The following SOX5 variants were observed in gnomAD, a reference collection of about 807,000 sequenced individuals.
SOX5 encodes the protein SRY-box transcription factor 5, also known as transcription factor SOX-5.
SOX5 carries 9 observed loss-of-function variants against 92.0 expected under a neutral mutation model. The observed-to-expected ratio is 0.10, with a 90% CI of 0.06 to 0.17. The LOEUF (loss-of-function observed/expected upper bound fraction) is 0.17, where lower values mean the gene tolerates loss of function less well. SOX5 is among the 10% of genes least tolerant of loss of function. SOX5 has a pLI of 1.00. For missense variants in SOX5, 642 were observed against 944.5 expected (o/e 0.68, Z 4.20); for synonymous variants, 344 against 336.3 (o/e 1.02, Z -0.25).
rs148461185 is a variant in SOX5 at position 24,494,025 on chromosome 12, A to G, written c.-251+68304T>C. On this transcript the variant is annotated intron_variant, in intron 1 of 4. Transcript: ENST00000446891. ...ATTGGATGATGTGAAATAACTGAAA[A>G]GTACACAGCTCTTTTGAAATAATGA... Among the ~76,000 whole-genome samples the G allele has an allele frequency of 4.5e-3, 688 of 152,334 alleles. 3 individuals are homozygous for G. Among genetic ancestry groups the G allele is most frequent in the African/African-American group, 0.016 (647 of 41,566 alleles).
chr12:23,546,411 A>G lies in SOX5; in HGVS notation c.1502T>C (p.Leu501Pro). The G allele has an allele frequency of 6.3e-7, 1 of 1,598,140 alleles. No individual in the cohort carries two copies. The highest frequency in any genetic ancestry group is 8.6e-7 in the Non-Finnish European group (1 of 1,167,628). The change falls in exon 12 of 15, where the codon CTG becomes CCG. Residue 501 changes from leucine (L) to proline (P), a missense_variant. Leu to Pro is a moderately conservative substitution (Grantham distance 98). Coordinates refer to ENST00000451604, the MANE Select transcript of SOX5 (RefSeq NM_006940.6). Reference protein sequence around the residue: ...NCRTEKEKTTLESLTQQLAVK... With the variant: ...NCRTEKEKTTPESLTQQLAVK... The stretch of plus-strand genomic sequence containing the variant: ...TGCCAGTTGCTGAGTCAGACTCTCC[A>G]GTGTTGTTTTTTCCTTTAAAAAAAT...
At chr12:23,635,537 G>A (rs191332798) in intron 8 of SOX5, among the ~76,000 whole-genome samples, 1 of 152,100 alleles carries the variant, frequency 6.6e-6, no homozygotes, top group East Asian at 1.9e-4. Flanking sequence ...GTGGGAGGAG[G>A]GGGGAGGGAG....
upstream of SOX5, among the ~76,000 whole-genome samples, chr12:23,951,964 G>C (rs1355625125): frequency 6.6e-6 from 1 of 151,880 alleles, no homozygotes; most frequent in Non-Finnish European, 1.5e-5. Flanking sequence ...AGCCCTTAAG[G>C]GACCTACAAT....
chr12:24,375,825 G>T (rs754459442), intron 1 of SOX5, among the ~76,000 whole-genome samples: 6 of 151,210 alleles, frequency 4.0e-5, no homozygotes, highest in Non-Finnish European at 7.4e-5. Context: ...GACCCCAATA[G>T]ATGTGTCTCA....
chr12:23,801,716 A>G (rs775414123), intron 3 of SOX5, among the ~76,000 whole-genome samples: 4 of 152,206 alleles, frequency 2.6e-5, no homozygotes, highest in African/African-American at 4.8e-5. Flanking sequence ...GTACTATTAC[A>G]TAAATTAAAT....
At chr12:24,433,424 ATAAGAGCACTCACTTG>A (rs1938756663) in intron 1 of SOX5, among the ~76,000 whole-genome samples, 1 of 152,210 alleles carries the variant, frequency 6.6e-6, no homozygotes, top group East Asian at 1.9e-4. Context: ...AGTTAACTTG[ATAAGAGCACTCACTTG>A]ATTAAAGATG....
intron 1 of SOX5, among the ~76,000 whole-genome samples, chr12:24,518,660 G>T (rs1475443129): frequency 6.6e-6 from 1 of 151,954 alleles, no homozygotes; most frequent in Non-Finnish European, 1.5e-5. Flanking sequence ...ATTCCCCTCT[G>T]TAAAATAGGT....
chr12:24,235,441 C>T (rs1484741346), intron 3 of SOX5, among the ~76,000 whole-genome samples: 1 of 152,090 alleles, frequency 6.6e-6, no homozygotes, highest in African/African-American at 2.4e-5. Context: ...TTATTCAAAA[C>T]TAAAGAACCA....
chr12:23,577,191 A>AT (rs1175798388), intron 9 of SOX5, among the ~76,000 whole-genome samples: 111 of 61,406 alleles, frequency 1.8e-3, no homozygotes, highest in Non-Finnish European at 2.5e-3. Context: ...ATATATATAT[A>AT]TTTTTTTTTT....
chr12:24,281,422 T>G (rs868046577), intron 2 of SOX5, among the ~76,000 whole-genome samples: 3 of 152,184 alleles, frequency 2.0e-5, no homozygotes, highest in South Asian at 2.1e-4. Flanking sequence ...ATGGCTGATC[T>G]CTTCACAATA....
intron 4 of SOX5, among the ~76,000 whole-genome samples, chr12:24,076,474 G>T (rs1175921641): frequency 6.6e-6 from 1 of 152,082 alleles, no homozygotes; most frequent in Non-Finnish European, 1.5e-5. Context: ...TCTTATGTGG[G>T]TTCTTTCCAA....
At chr12:23,642,915 G>A (rs1318857894) in intron 7 of SOX5, among the ~76,000 whole-genome samples, 12 of 124,284 alleles carry the variant, frequency 9.7e-5, no homozygotes, top group African/African-American at 2.9e-4. Flanking sequence ...GTGAAACCCC[G>A]TCTCTACTAA....
rs1479132004 is a variant in SOX5, at chr12:24,381,418, A to T, written c.-250-12779T>A. Among the ~76,000 whole-genome samples, 3 of 152,072 alleles carry T rather than the reference A, an allele frequency of 2.0e-5. No homozygotes were observed. The East Asian group carries it at 5.8e-4, about 29-fold the overall frequency. On this transcript the variant is annotated intron_variant, in intron 1 of 4. Transcript: ENST00000446891. ...AGAAGGTGTGTTTGTCTGAAAGCAT[A>T]GTACATACACACATGTCTGTTACAT...
chr12:23,542,318 A>T (rs765700686), intron 13 of SOX5, among the ~76,000 whole-genome samples: 4 of 152,226 alleles, frequency 2.6e-5, no homozygotes, highest in Non-Finnish European at 4.4e-5. Flanking sequence ...CTTAACTCTT[A>T]GAAGTCACAG....
chr12:24,547,285 G>A (rs1030917492), intron 1 of SOX5, among the ~76,000 whole-genome samples: 8 of 149,444 alleles, frequency 5.4e-5, no homozygotes, highest in East Asian at 2.0e-4. Flanking sequence ...TCCGCTTCCC[G>A]GGTTCACGCC....
intron 4 of SOX5, among the ~76,000 whole-genome samples, chr12:24,170,120 C>A (rs1316315403): frequency 1.3e-5 from 2 of 152,052 alleles, no homozygotes; most frequent in Non-Finnish European, 2.9e-5. Context: ...GGGCTCGTGT[C>A]AGAGTCCTTG....
chr12:23,541,971 A>T (rs183036780), intron 13 of SOX5, among the ~76,000 whole-genome samples: 24 of 152,232 alleles, frequency 1.6e-4, no homozygotes, highest in Admixed American at 1.4e-3. Flanking sequence ...TTAGTTGGGC[A>T]TGGTGTCCCG....
intron 2 of SOX5, among the ~76,000 whole-genome samples, chr12:24,349,823 G>A (rs148975402): frequency 1.7e-3 from 254 of 152,128 alleles, no homozygotes; most frequent in African/African-American, 5.7e-3. Flanking sequence ...TGGATTGTAT[G>A]GTAAATAATA....
At chr12:24,474,831 T>C (rs1945190715) in intron 1 of SOX5, among the ~76,000 whole-genome samples, 1 of 151,030 alleles carries the variant, frequency 6.6e-6, no homozygotes, top group Non-Finnish European at 1.5e-5. Context: ...CCACCACACA[T>C]GGCCTAATTA....
Sources: allele counts gnomAD v4.1 joint callset (sites outside exome capture counted in the v4.1 genomes callset), GRCh38; gene constraint gnomAD v4.1.1; transcripts MANE v1.5; gene names NCBI Gene and HGNC (gene_info 2026-07-23, HGNC 2026-07-21).